Variants in SFXN5 observed in about 807,000 individuals in gnomAD.
The protein encoded by SFXN5 is sideroflexin 5, also known as sideroflexin-5.
A neutral mutation model predicts 50.2 loss-of-function variants in SFXN5; 43 were observed. The ratio of observed to expected loss-of-function variants is 0.86; its 90% CI spans 0.67 to 1.11. SFXN5 has a LOEUF of 1.11. SFXN5 is among the 50% of genes least tolerant of loss of function. SFXN5 has a pLI of 0.00. For synonymous variants in SFXN5, 203 were observed against 185.8 expected (o/e 1.09, Z -0.75); for missense variants, 463 against 454.1 (o/e 1.02, Z -0.18).
At chr2:73,048,736 C>T (rs1680839820) in intron 2 of SFXN5, among the ~76,000 whole-genome samples, 1 of 152,204 alleles carries the variant, frequency 6.6e-6, no homozygotes, top group African/African-American at 2.4e-5. Flanking sequence ...AAGGTGTCCA[C>T]TATTATAAGT....
At chr2:73,029,976 G>A (rs1032737690) in intron 3 of SFXN5, among the ~76,000 whole-genome samples, 5 of 152,142 alleles carry the variant, frequency 3.3e-5, no homozygotes, top group Non-Finnish European at 5.9e-5. Context: ...GGAGGCTGAG[G>A]AAGGAGAATC....
chr2:73,035,548 G>A (rs903841623), intron 3 of SFXN5, among the ~76,000 whole-genome samples: 1 of 138,670 alleles, frequency 7.2e-6, no homozygotes, highest in African/African-American at 2.7e-5. Flanking sequence ...CACCCAGGCT[G>A]GAGTGCAGTG....
Position 73,047,283 on chromosome 2 carries a change from T to TATATATATATATATATATATATATACAC in SFXN5, c.172-6353_172-6352insGTGTATATATATATATATATATATATAT, listed in dbSNP as rs1325442108. Among the ~76,000 whole-genome samples, 278 of 73,544 alleles carry TATATATATATATATATATATATATACAC rather than the reference T, an allele frequency of 3.8e-3. 2 individuals carry two copies. Among genetic ancestry groups the TATATATATATATATATATATATATACAC allele is most frequent in the Non-Finnish European group, 6.1e-3 (232 of 37,974 alleles). The allele number at this position is 73,544 out of a possible 152,430, so 48.2% of individuals were successfully genotyped here. A position where few individuals can be genotyped will look rare whatever the true frequency, so the allele number is the denominator to read the frequency against. Reference sequence around the variant, plus strand: ...ATATATATATATATATATACACACATATATATATATATATAAAATATATAT... The same window carrying TATATATATATATATATATATATATACAC: ...ATATATATATATATATATACACACATATATATATATATATATATATATATACACATATATATATATATAAAATATATAT... On this transcript the variant is annotated intron_variant, in intron 2 of 13. Transcript: ENST00000272433.
intron 3 of SFXN5, among the ~76,000 whole-genome samples, chr2:73,030,170 A>C (rs1392637897): frequency 6.6e-6 from 1 of 152,150 alleles, no homozygotes; most frequent in African/African-American, 2.4e-5. Context: ...CGGGATGTGA[A>C]CCCAAGCAGT....
chr2:72,981,942 T>C lies in SFXN5; in HGVS notation c.625+6316A>G, dbSNP rs189952911. On this transcript the variant is annotated intron_variant, in intron 10 of 13. Coordinates refer to ENST00000272433, the MANE Select transcript of SFXN5 (RefSeq NM_144579.3). ...AATGGGTTTCATCCTCTATAAAACT[T>C]TATTGCCCTTATCACTGGAACTTTG... Among the ~76,000 whole-genome samples the C allele has an allele frequency of 3.4e-3, 518 of 150,792 alleles. 3 individuals are homozygous for C. The highest frequency in any genetic ancestry group is 5.8e-3 in the Non-Finnish European group (396 of 67,866).
Position 72,950,010 on chromosome 2 carries a change from G to A in SFXN5, c.946-4911C>T, listed in dbSNP as rs938734277. Among the ~76,000 whole-genome samples, 1 of 152,084 alleles carries A rather than the reference G, an allele frequency of 6.6e-6. No individual in the cohort carries two copies. The highest frequency in any genetic ancestry group is 2.1e-4 in the South Asian group (1 of 4,812). On this transcript the variant is annotated intron_variant, in intron 13 of 13. Transcript: ENST00000272433. The surrounding 1 kb of genome is among the most constrained non-coding windows in gnomAD (Gnocchi z 4.2). ...GTTCCCCAGGTGGACAGGCCTGGGA[G>A]GCAGATGGGTCCAGGGCTCTGGAGC...
intron 11 of SFXN5, 97 bp downstream of exon 11, chr2:72,971,473 T>G (rs1442319356): frequency 1.3e-6 from 1 of 797,042 alleles, no homozygotes; most frequent in African/African-American, 1.7e-5. Flanking sequence ...AAAATAAGGG[T>G]ACCCTGGATA....
Position 73,002,824 on chromosome 2 carries a change from G to A in SFXN5, c.358-1246C>T, listed in dbSNP as rs144720999. Among the ~76,000 whole-genome samples the A allele has an allele frequency of 2.8e-3, 421 of 152,032 alleles. 5 individuals are homozygous for A. The highest frequency in any genetic ancestry group is 9.9e-3 in the African/African-American group (409 of 41,460). On this transcript the variant is annotated intron_variant, in intron 6 of 13. Transcript: ENST00000272433. The stretch of plus-strand genomic sequence containing the variant: ...ACTTGATTTTTTTTTTCTTTGCAGT[G>A]GCAGCTTAGGGAATTAGAGTGAGAA...
chr2:72,978,845 A>G (rs886921361), intron 10 of SFXN5, among the ~76,000 whole-genome samples: 1 of 152,070 alleles, frequency 6.6e-6, no homozygotes, highest in Non-Finnish European at 1.5e-5. Flanking sequence ...AGGTGATTAT[A>G]ATACAGATGA....
At position 72,992,413 on chromosome 2, in the gene SFXN5, C is replaced by T. The variant is rs954060455; in HGVS notation, c.535-4065G>A. Reference sequence around the variant, plus strand: ...GCTGGAAGAATGCCTGCATCCCTCTCCCCGCATCTGTGCCCCCACTGCAGC... The same window carrying T: ...GCTGGAAGAATGCCTGCATCCCTCTTCCCGCATCTGTGCCCCCACTGCAGC... On this transcript the variant is annotated intron_variant, in intron 9 of 13. Coordinates refer to ENST00000272433, the MANE Select transcript of SFXN5 (RefSeq NM_144579.3). This position sits in a 1 kb window ranked among gnomAD's most constrained non-coding sequence, Gnocchi z 4.5. 1.3e-5 allele frequency among the ~76,000 whole-genome samples: 2 copies of T among 152,304 alleles called. No individual in the cohort carries two copies. Among genetic ancestry groups the T allele is most frequent in the South Asian group, 2.1e-4 (1 of 4,830 alleles).
intron 12 of SFXN5, among the ~76,000 whole-genome samples, chr2:72,963,316 G>C (rs1355836225): frequency 6.6e-6 from 1 of 152,222 alleles, no homozygotes; most frequent in Non-Finnish European, 1.5e-5. Flanking sequence ...CAGTCCTTGG[G>C]ACCTGCTGGT....
At chr2:73,047,242 AAAAAT>A (rs1490507874) in intron 2 of SFXN5, among the ~76,000 whole-genome samples, 2 of 57,040 alleles carry the variant, frequency 3.5e-5, no homozygotes, top group African/African-American at 2.0e-4. Context: ...AAAAAAAAAA[AAAAAT>A]ATATATATAT....
chr2:72,967,503 G>GGACTGGGATACACAA (rs1674563804), intron 12 of SFXN5, among the ~76,000 whole-genome samples: 1 of 152,262 alleles, frequency 6.6e-6, no homozygotes, highest in African/African-American at 2.4e-5. Context: ...GACTGAGAGA[G>GGACTGGGATACACAA]GACTGGGATA....
At chr2:73,050,848 T>G (rs562554442) in intron 2 of SFXN5, among the ~76,000 whole-genome samples, 63 of 152,382 alleles carry the variant, frequency 4.1e-4, no homozygotes, top group African/African-American at 1.5e-3. Flanking sequence ...CAAATATGTA[T>G]GCTCTGCTTC....
intron 9 of SFXN5, among the ~76,000 whole-genome samples, chr2:72,995,256 A>G (rs1673079774): frequency 6.6e-6 from 1 of 152,242 alleles, no homozygotes; most frequent in Non-Finnish European, 1.5e-5. Flanking sequence ...AAAAACAGTG[A>G]GGATTGAGAG....
At chr2:72,954,573 G>T (rs1559081668) in intron 13 of SFXN5, among the ~76,000 whole-genome samples, 1 of 152,112 alleles carries the variant, frequency 6.6e-6, no homozygotes, top group Non-Finnish European at 1.5e-5. Flanking sequence ...CCCTACAAGG[G>T]CGCCCCAGGG....
At chr2:72,954,062 C>T (rs189154096) in intron 13 of SFXN5, among the ~76,000 whole-genome samples, 2 of 152,260 alleles carry the variant, frequency 1.3e-5, no homozygotes, top group East Asian at 3.9e-4. Flanking sequence ...GGCCTTCCTG[C>T]CTCGTCTACC....
intron 8 of SFXN5, 107 bp downstream of exon 8, chr2:73,000,324 G>A: frequency 9.0e-7 from 1 of 1,109,432 alleles, no homozygotes; most frequent in East Asian, 2.7e-5. Flanking sequence ...GGAGGGCCAT[G>A]CTTAACCAAG....
chr2:73,006,299 G>A lies in SFXN5; in HGVS notation c.358-4721C>T, dbSNP rs575067034. Reference sequence around the variant, plus strand: ...GCCTCAGTCAAGCTTTGTCTAGACCGGGCAAACCCCAGCCAACCGCAGATC... The same window carrying A: ...GCCTCAGTCAAGCTTTGTCTAGACCAGGCAAACCCCAGCCAACCGCAGATC... On this transcript the variant is annotated intron_variant, in intron 6 of 13. Coordinates refer to ENST00000272433, the MANE Select transcript of SFXN5 (RefSeq NM_144579.3). Among the ~76,000 whole-genome samples the A allele has an allele frequency of 8.5e-5, 13 of 152,236 alleles. No homozygotes were observed. The South Asian group carries it at 2.3e-3, about 27-fold the overall frequency.
Sources: allele counts gnomAD v4.1 joint callset (sites outside exome capture counted in the v4.1 genomes callset), GRCh38; gene constraint gnomAD v4.1.1; non-coding constraint Gnocchi (gnomAD v3.1); transcripts MANE v1.5; gene names NCBI Gene and HGNC (gene_info 2026-07-23, HGNC 2026-07-21).